The following KIAA2012 variants were observed in gnomAD, a reference collection of about 807,000 sequenced individuals.
The protein encoded by KIAA2012 is KIAA2012.
A neutral mutation model predicts 150.6 loss-of-function variants in KIAA2012; 125 were observed. The ratio of observed to expected loss-of-function variants is 0.83; its 90% CI spans 0.72 to 0.96. The LOEUF (loss-of-function observed/expected upper bound fraction) is 0.96, where lower values mean the gene tolerates loss of function less well. Ranked by LOEUF, KIAA2012 falls within the 40% of genes least tolerant of loss-of-function variation. KIAA2012 has a pLI of 0.00. For synonymous variants in KIAA2012, 462 were observed against 504.7 expected (o/e 0.92, Z 1.13); for missense variants, 1,219 against 1,354.9 (o/e 0.90, Z 1.57).
At chr2:202,152,396 C>A (rs984430802) in intron 13 of KIAA2012, among the ~76,000 whole-genome samples, 1 of 152,136 alleles carries the variant, frequency 6.6e-6, no homozygotes, top group Non-Finnish European at 1.5e-5. Context: ...CTCAACTCCC[C>A]CACTCTTCAA....
intron 12 of KIAA2012, among the ~76,000 whole-genome samples, chr2:202,130,089 T>TA (rs960469890): frequency 3.3e-5 from 5 of 151,864 alleles, no homozygotes; most frequent in Non-Finnish European, 5.9e-5. Context: ...TTAATGGCCC[T>TA]AAAAAAAAGC....
In KIAA2012 at chr2:202,190,275, C is replaced by T. The variant is rs747868451; in HGVS notation, c.2593C>T (p.Leu865=). Residue 865 remains leucine, a synonymous_variant, in exon 19 of 24, where the codon CTG becomes TTG. Coordinates refer to ENST00000498697, the MANE Select transcript of KIAA2012 (RefSeq NM_001277372.4). ...KERNLEIAAE[L]SGPDVSYEET... ...AAGAAATCTGGAGATAGCGGCAGAG[C>T]TGAGCGGGCCTGATGTCAGCTATGA... The T allele has an allele frequency of 1.9e-6, 3 of 1,550,400 alleles. No individual in the cohort carries two copies. The African/African-American group carries it at 4.1e-5, about 21-fold the overall frequency.
rs112372991 is a variant in KIAA2012, at chr2:202,184,624, G to T, written c.2120-129G>T. On this transcript the variant is annotated intron_variant, in intron 15 of 23. Transcript: ENST00000498697. ...TCTGAAGTATTTGCTAATTTTCTGGGTATAGCATACGTCATTGTTCTAATT... is the reference window on the plus strand; with the variant it reads ...TCTGAAGTATTTGCTAATTTTCTGGTTATAGCATACGTCATTGTTCTAATT... 0.01 allele frequency: 5,489 copies of T among 537,418 alleles called. 40 individuals carry two copies. The highest frequency in any genetic ancestry group is 0.015 in the Non-Finnish European group (4,625 of 310,176). 33.3% of individuals were successfully genotyped at this position (537,418 alleles called of 1,614,324 possible).
chr2:202,184,248 G>A (rs1483065074), intron 15 of KIAA2012, among the ~76,000 whole-genome samples: 3 of 152,012 alleles, frequency 2.0e-5, no homozygotes, highest in Non-Finnish European at 4.4e-5. Flanking sequence ...GTCGGGTGTG[G>A]TGGCACACAC....
intron 15 of KIAA2012, among the ~76,000 whole-genome samples, chr2:202,182,108 C>CTTTTTTTTTTTTTTT (rs754494077): frequency 1.2e-4 from 12 of 104,118 alleles, no homozygotes; most frequent in African/African-American, 1.5e-4. Context: ...TTTCTTTATT[C>CTTTTTTTTTTTTTTT]TTTTTTTTTT....
At chr2:202,112,776 TA>T (rs894815086) in intron 10 of KIAA2012, among the ~76,000 whole-genome samples, 1 of 152,254 alleles carries the variant, frequency 6.6e-6, no homozygotes, top group Non-Finnish European at 1.5e-5. Context: ...ACTTGTTTTT[TA>T]CTTTTACAGT....
chr2:202,200,364 G>A (rs1692493686), intron 22 of KIAA2012, among the ~76,000 whole-genome samples: 3 of 152,148 alleles, frequency 2.0e-5, no homozygotes, highest in South Asian at 4.1e-4. Flanking sequence ...CCTATGAGGA[G>A]GACCCAAAAG....
chr2:202,170,696 TAGAG>T (rs1691868659), intron 15 of KIAA2012, among the ~76,000 whole-genome samples: 1 of 152,052 alleles, frequency 6.6e-6, no homozygotes, highest in Non-Finnish European at 1.5e-5. Context: ...CTGATCCAGA[TAGAG>T]AGAAATCAGG....
At chr2:202,119,580 T>C (rs566250287) in intron 11 of KIAA2012, among the ~76,000 whole-genome samples, 1 of 152,218 alleles carries the variant, frequency 6.6e-6, no homozygotes. Flanking sequence ...AACTATCTGG[T>C]TGAAGTGGAG....
intron 15 of KIAA2012, among the ~76,000 whole-genome samples, chr2:202,173,805 A>G (rs1691941994): frequency 6.6e-6 from 1 of 152,192 alleles, no homozygotes; most frequent in South Asian, 2.1e-4. Context: ...GGGTCATCTC[A>G]ATAGATGCAA....
At chr2:202,156,442 A>G (rs992305846) in intron 14 of KIAA2012, among the ~76,000 whole-genome samples, 4 of 152,154 alleles carry the variant, frequency 2.6e-5, no homozygotes, top group Non-Finnish European at 5.9e-5. Flanking sequence ...AGCACCTGCT[A>G]TCTACTATGT....
chr2:202,141,141 C>T (rs549317522), intron 13 of KIAA2012, among the ~76,000 whole-genome samples: 1 of 152,140 alleles, frequency 6.6e-6, no homozygotes, highest in African/African-American at 2.4e-5. Flanking sequence ...GAGGCCCTAC[C>T]GCTGTGATGG....
At chr2:202,121,960 G>C (rs373468482) in intron 11 of KIAA2012, among the ~76,000 whole-genome samples, 11 of 152,206 alleles carry the variant, frequency 7.2e-5, no homozygotes, top group Non-Finnish European at 1.3e-4. Context: ...TTTGAGAAAC[G>C]AGAAGTAGAT....
At chr2:202,113,115 C>A (rs1690419500) in intron 10 of KIAA2012, among the ~76,000 whole-genome samples, 1 of 152,188 alleles carries the variant, frequency 6.6e-6, no homozygotes, top group Non-Finnish European at 1.5e-5. Flanking sequence ...TAGCCCCTCC[C>A]TGTTCATCCC....
chr2:202,132,756 G>GTGTATATACTATATATGTATGTGTA (rs1690975646), intron 12 of KIAA2012, among the ~76,000 whole-genome samples: 1 of 87,784 alleles, frequency 1.1e-5, no homozygotes, highest in Non-Finnish European at 2.3e-5. Flanking sequence ...TAGTATATAT[G>GTGTATATACTATATATGTATGTGTA]TATATATATA....
chr2:202,149,418 C>G (rs1320988886), intron 13 of KIAA2012, among the ~76,000 whole-genome samples: 1 of 152,168 alleles, frequency 6.6e-6, no homozygotes, highest in Non-Finnish European at 1.5e-5. Flanking sequence ...GGGGTGTGTG[C>G]CCCAGCACAT....
chr2:202,114,701 T>A (rs1049341027), intron 11 of KIAA2012: 5 of 165,098 alleles, frequency 3.0e-5, no homozygotes, highest in Admixed American at 6.5e-5. Context: ...GACATATACA[T>A]AGAAGGGTCA....
intron 5 of KIAA2012, 93 bp downstream of exon 5, chr2:202,097,670 A>ACCT: frequency 7.3e-7 from 1 of 1,368,844 alleles, no homozygotes; most frequent in South Asian, 1.4e-5. Flanking sequence ...GCTCACTGCA[A>ACCT]CCTCCGCCTC....
intron 12 of KIAA2012, chr2:202,137,418 G>C (rs1691093028): frequency 6.7e-6 from 1 of 150,302 alleles, no homozygotes; most frequent in Non-Finnish European, 1.5e-5. Context: ...CCAGGTTCAA[G>C]TGATTCTCCT....
Sources: gnomAD v4.1 joint callset for allele counts (sites outside exome capture counted in the v4.1 genomes callset) on GRCh38, gnomAD v4.1.1 for gene constraint, MANE v1.5 for transcripts, NCBI Gene and HGNC (gene_info 2026-07-23, HGNC 2026-07-21) for gene names.